Variants in AGMO observed in about 807,000 individuals in gnomAD.
The protein encoded by AGMO is glyceryl-ether monooxygenase.
In AGMO, 75 loss-of-function variants were observed where a neutral mutation model predicts 60.2. The ratio of observed to expected loss-of-function variants is 1.25; its 90% CI spans 1.03 to 1.51. The LOEUF (loss-of-function observed/expected upper bound fraction) is 1.51, where lower values mean the gene tolerates loss of function less well. AGMO is among the 40% of genes most tolerant of loss of function. The pLI, the probability that AGMO is intolerant of heterozygous loss-of-function variation, is 0.00. For synonymous variants in AGMO, 261 were observed against 177.1 expected, an observed-to-expected ratio of 1.47 and a Z score of -3.76; for missense variants, 763 against 525.5, an observed-to-expected ratio of 1.45 and a Z score of -4.42.
intron 3 of AGMO, among the ~76,000 whole-genome samples, chr7:15,516,000 T>C (rs1013473412): frequency 6.6e-6 from 1 of 152,100 alleles, no homozygotes; most frequent in Non-Finnish European, 1.5e-5. Flanking sequence ...ACAAAAATAA[T>C]AAGTATGTGA....
the AGMO span, among the ~76,000 whole-genome samples, chr7:15,155,853 T>C: frequency 6.6e-6 from 1 of 152,162 alleles, no homozygotes; most frequent in South Asian, 2.1e-4. Context: ...GAGTGTGGAA[T>C]AAGTTGCCTT....
chr7:15,233,963 C>T (rs1258952608), intron 12 of AGMO, among the ~76,000 whole-genome samples: 3 of 152,158 alleles, frequency 2.0e-5, no homozygotes, highest in Non-Finnish European at 2.9e-5. Flanking sequence ...AGGAGAATCA[C>T]TTGAACCTCG....
intron 5 of AGMO, among the ~76,000 whole-genome samples, chr7:15,400,220 C>A (rs1363421398): frequency 6.6e-6 from 1 of 152,110 alleles, no homozygotes; most frequent in Non-Finnish European, 1.5e-5. Flanking sequence ...CCTTACTCCT[C>A]TCATACTCTT....
intron 10 of AGMO, among the ~76,000 whole-genome samples, chr7:15,366,732 T>C (rs1242128575): frequency 6.6e-6 from 1 of 152,098 alleles, no homozygotes; most frequent in African/African-American, 2.4e-5. Flanking sequence ...CATGCTCATA[T>C]ATACATGTCA....
At chr7:15,393,308 T>C (rs900897845) in intron 6 of AGMO, among the ~76,000 whole-genome samples, 11 of 152,188 alleles carry the variant, frequency 7.2e-5, no homozygotes, top group East Asian at 3.9e-4. Flanking sequence ...TGGAAACTTA[T>C]AGAAACAGAA....
chr7:15,323,386 C>G (rs939885667), intron 12 of AGMO, among the ~76,000 whole-genome samples: 1 of 151,884 alleles, frequency 6.6e-6, no homozygotes, highest in African/African-American at 2.4e-5. Context: ...AAAAAAATAA[C>G]CAGCATAGAG....
intron 3 of AGMO, among the ~76,000 whole-genome samples, chr7:15,503,812 C>T (rs1450328102): frequency 1.3e-5 from 2 of 151,934 alleles, no homozygotes; most frequent in African/African-American, 4.8e-5. Context: ...TACTCATAGT[C>T]TCTGATAATA....
At position 15,556,383 on chromosome 7, in the gene AGMO, G is replaced by T. The variant is rs144200954; in HGVS notation, c.257+3758C>A. Among the ~76,000 whole-genome samples, 10 of 151,972 alleles carry T rather than the reference G, an allele frequency of 6.6e-5. No homozygotes were observed. The East Asian group carries it at 1.7e-3, about 26-fold the overall frequency. On this transcript the variant is annotated intron_variant, in intron 2 of 12. Coordinates refer to ENST00000342526, the MANE Select transcript of AGMO (RefSeq NM_001004320.2). ...GTGACCCATATGTATTAAAAGTGCAGTGTCCCCAACTTTATTTGAAAATTT... is the reference window on the plus strand; with the variant it reads ...GTGACCCATATGTATTAAAAGTGCATTGTCCCCAACTTTATTTGAAAATTT...
intron 12 of AGMO, among the ~76,000 whole-genome samples, chr7:15,314,711 C>A (rs530839610): frequency 6.6e-6 from 1 of 152,180 alleles, no homozygotes; most frequent in Admixed American, 6.5e-5. Flanking sequence ...ATCCCTGGAA[C>A]CTGTGAGTAT....
the AGMO span, among the ~76,000 whole-genome samples, chr7:15,146,441 T>C: frequency 6.6e-6 from 1 of 151,808 alleles, no homozygotes; most frequent in Non-Finnish European, 1.5e-5. Flanking sequence ...AAATATTGTG[T>C]AACTTAATCA....
At chr7:15,168,374 T>C in the AGMO span, among the ~76,000 whole-genome samples, 1 of 152,358 alleles carries the variant, frequency 6.6e-6, no homozygotes, top group African/African-American at 2.4e-5. Context: ...AGCCCTGTAA[T>C]ACATTAATAG....
At chr7:15,251,043 T>C (rs548093080) in intron 12 of AGMO, among the ~76,000 whole-genome samples, 6 of 152,132 alleles carry the variant, frequency 3.9e-5, no homozygotes, top group Non-Finnish European at 8.8e-5. Flanking sequence ...AATACATATA[T>C]ATTTTTATAC....
intron 12 of AGMO, among the ~76,000 whole-genome samples, chr7:15,263,265 G>A (rs1783329649): frequency 1.3e-5 from 2 of 151,686 alleles, no homozygotes; most frequent in Non-Finnish European, 2.9e-5. Context: ...ACCAGGCTAA[G>A]GACATGAATA....
intron 3 of AGMO, among the ~76,000 whole-genome samples, chr7:15,510,364 G>A (rs1783637486): frequency 1.3e-5 from 2 of 151,716 alleles, no homozygotes; most frequent in African/African-American, 4.8e-5. Context: ...TTTTAGTACA[G>A]ACAGGATGGT....
At chr7:15,343,002 T>C (rs1175117104) in intron 12 of AGMO, among the ~76,000 whole-genome samples, 1 of 152,064 alleles carries the variant, frequency 6.6e-6, no homozygotes, top group African/African-American at 2.4e-5. Flanking sequence ...CATTCCCTTT[T>C]ATGAATGTTT....
intron 12 of AGMO, among the ~76,000 whole-genome samples, chr7:15,343,099 A>G (rs1314095993): frequency 6.6e-6 from 1 of 152,146 alleles, no homozygotes; most frequent in Non-Finnish European, 1.5e-5. Context: ...TCCTATAGCA[A>G]TAATTGGAAT....
chr7:15,244,686 C>G (rs1388753066), intron 12 of AGMO, among the ~76,000 whole-genome samples: 1 of 152,114 alleles, frequency 6.6e-6, no homozygotes, highest in African/African-American at 2.4e-5. Context: ...TCGTCTCGCA[C>G]TGTCGCCCAG....
chr7:15,294,660 G>T (rs1482897730), intron 12 of AGMO, among the ~76,000 whole-genome samples: 1 of 151,848 alleles, frequency 6.6e-6, no homozygotes, highest in African/African-American at 2.4e-5. Context: ...TTGCTTTAAA[G>T]GTGTTAAGTG....
chr7:15,538,814 G>A (rs1400231002), intron 3 of AGMO, among the ~76,000 whole-genome samples: 18 of 152,100 alleles, frequency 1.2e-4, no homozygotes, highest in Non-Finnish European at 2.4e-4. Flanking sequence ...AAATTTAAGA[G>A]TCATATACAG....
Sources: allele counts gnomAD v4.1 joint callset (sites outside exome capture counted in the v4.1 genomes callset), GRCh38; gene constraint gnomAD v4.1.1; transcripts MANE v1.5; gene names NCBI Gene and HGNC (gene_info 2026-07-23, HGNC 2026-07-21).